FRMD4A: variants seen among roughly 807,000 people sequenced by gnomAD.
FRMD4A encodes the protein FERM domain-containing protein 4A.
FRMD4A carries 29 observed loss-of-function variants against 129.1 expected under a neutral mutation model. The ratio of observed to expected loss-of-function variants is 0.22; its 90% confidence interval spans 0.17 to 0.31. The LOEUF (loss-of-function observed/expected upper bound fraction) is 0.31, where lower values mean the gene tolerates loss of function less well. Ranked by LOEUF, FRMD4A falls within the 10% of genes least tolerant of loss-of-function variation. The pLI, the probability that FRMD4A is intolerant of heterozygous loss-of-function variation, is 1.00. For missense variants in FRMD4A, 1,272 were observed against 1,375.8 expected (o/e 0.92, Z 1.19); for synonymous variants, 634 against 571.6 (o/e 1.11, Z -1.56).
intron 2 of FRMD4A, among the ~76,000 whole-genome samples, chr10:14,137,237 T>C (rs1839585126): frequency 6.6e-6 from 1 of 152,168 alleles, no homozygotes; most frequent in African/African-American, 2.4e-5. Context: ...AAAATCATCT[T>C]CCTCTGTGGG....
chr10:14,221,116 G>T (rs994629288), intron 2 of FRMD4A, among the ~76,000 whole-genome samples: 1 of 152,164 alleles, frequency 6.6e-6, no homozygotes, highest in African/African-American at 2.4e-5. Flanking sequence ...GCAAGACTTG[G>T]GAAGAGGAGA....
At chr10:13,936,772 T>C (rs2095252394) in intron 2 of FRMD4A, among the ~76,000 whole-genome samples, 1 of 152,192 alleles carries the variant, frequency 6.6e-6, no homozygotes. Context: ...TCCTTGCAAA[T>C]GAAGGGGTGA....
At chr10:13,848,607 TAC>T (rs149318231) in intron 3 of FRMD4A, among the ~76,000 whole-genome samples, 13 of 93,512 alleles carry the variant, frequency 1.4e-4, no homozygotes, top group African/African-American at 3.8e-4. Context: ...TGTGTGTGTG[TAC>T]GTGTGTGTGT....
At position 14,045,133 on chromosome 10, in the gene FRMD4A, A is replaced by T. The variant is rs577623744; in HGVS notation, c.46-186221T>A. ...GCCCTGGCTGGTCTTGAACTCCTGGACTCGAATGATCCTCCTAAACTGCTG... is the reference window on the plus strand; with the variant it reads ...GCCCTGGCTGGTCTTGAACTCCTGGTCTCGAATGATCCTCCTAAACTGCTG... On this transcript the variant is annotated intron_variant, in intron 2 of 24. Transcript: ENST00000357447. 9.7e-4 allele frequency among the ~76,000 whole-genome samples: 148 copies of T among 152,030 alleles called. 1 individual carries two copies. Among genetic ancestry groups the T allele is most frequent in the African/African-American group, 3.2e-3 (134 of 41,454 alleles).
chr10:14,255,446 T>G (rs1453616742), intron 2 of FRMD4A, among the ~76,000 whole-genome samples: 1 of 152,152 alleles, frequency 6.6e-6, no homozygotes, highest in Non-Finnish European at 1.5e-5. Flanking sequence ...AGGGAAGACC[T>G]GTAGATGGGG....
intron 2 of FRMD4A, among the ~76,000 whole-genome samples, chr10:13,961,450 G>A (rs1176045039): frequency 6.6e-6 from 1 of 152,206 alleles, no homozygotes; most frequent in Non-Finnish European, 1.5e-5. Context: ...CAGTGGCCAA[G>A]CTGTATAGGC....
intron 2 of FRMD4A, among the ~76,000 whole-genome samples, chr10:13,904,232 G>A (rs2094854020): frequency 1.2e-5 from 1 of 83,820 alleles, no homozygotes; most frequent in South Asian, 5.0e-4. Flanking sequence ...TCCTGCTGGC[G>A]TTTCGCCTCC....
chr10:13,935,207 G>A (rs1385286316), intron 2 of FRMD4A, among the ~76,000 whole-genome samples: 1 of 152,090 alleles, frequency 6.6e-6, no homozygotes, highest in Non-Finnish European at 1.5e-5. Flanking sequence ...GGTAGGCTGA[G>A]CAGGCGGATC....
At position 14,055,448 on chromosome 10, in the gene FRMD4A, CACACACACACACAA is replaced by C. The variant is rs1240789757; in HGVS notation, c.46-196550_46-196537del. 5.3e-4 allele frequency among the ~76,000 whole-genome samples: 21 copies of C among 39,286 alleles called. 1 individual carries two copies. The highest frequency in any genetic ancestry group is 1.4e-3 in the African/African-American group (11 of 7,886). The allele number at this position is 39,286 out of a possible 152,430, so 25.8% of individuals were successfully genotyped here. On this transcript the variant is annotated intron_variant, in intron 2 of 24. Coordinates refer to ENST00000357447, the MANE Select transcript of FRMD4A (RefSeq NM_018027.5). The stretch of plus-strand genomic sequence containing the variant: ...CTATGCTGATCTAGCTACACACACA[CACACACACACACAA>C]ACACACACACACACACACACACACA...
Position 13,764,532 on chromosome 10 carries a change from A to AAC in FRMD4A, c.385-1853_385-1852insGT, listed in dbSNP as rs1172107029. 4.1e-3 allele frequency among the ~76,000 whole-genome samples: 605 copies of AAC among 148,060 alleles called. 1 individual carries two copies. Among genetic ancestry groups the AAC allele is most frequent in the Non-Finnish European group, 6.6e-3 (440 of 66,596 alleles). Reference sequence around the variant, plus strand: ...AAACAAACAAACAAACAAACAAACAAAACCTAACAACAACAAACTCACTAA... The same window carrying AAC: ...AAACAAACAAACAAACAAACAAACAAACAACCTAACAACAACAAACTCACTAA... On this transcript the variant is annotated intron_variant, in intron 6 of 24. Transcript: ENST00000357447.
chr10:13,686,652 C>T (rs1253957361), intron 15 of FRMD4A, among the ~76,000 whole-genome samples: 1 of 152,210 alleles, frequency 6.6e-6, no homozygotes, highest in African/African-American at 2.4e-5. Flanking sequence ...AACCCAAGAT[C>T]CATCACCAGA....
intron 3 of FRMD4A, among the ~76,000 whole-genome samples, chr10:13,831,458 T>G (rs2093788749): frequency 1.3e-5 from 2 of 152,094 alleles, no homozygotes; most frequent in Non-Finnish European, 2.9e-5. Flanking sequence ...CTAAAACAAA[T>G]AAAATAAGAA....
At chr10:13,748,114 G>A (rs1310320231) in intron 8 of FRMD4A, among the ~76,000 whole-genome samples, 2 of 152,106 alleles carry the variant, frequency 1.3e-5, no homozygotes, top group African/African-American at 2.4e-5. Flanking sequence ...CAGAGTGAAC[G>A]CCCCTGAGCA....
intron 6 of FRMD4A, among the ~76,000 whole-genome samples, chr10:13,770,165 C>T (rs567689112): frequency 7.9e-5 from 12 of 152,296 alleles, no homozygotes; most frequent in South Asian, 2.1e-4. Context: ...ATCATAATTA[C>T]GCAAATTTGC....
chr10:14,066,627 C>T (rs1835072857), intron 2 of FRMD4A, among the ~76,000 whole-genome samples: 1 of 152,122 alleles, frequency 6.6e-6, no homozygotes, highest in African/African-American at 2.4e-5. Flanking sequence ...GGAGCCTACG[C>T]CTGTGTGCCG....
chr10:13,927,954 A>G (rs1045530708), intron 2 of FRMD4A, among the ~76,000 whole-genome samples: 3 of 151,994 alleles, frequency 2.0e-5, no homozygotes, highest in Non-Finnish European at 4.4e-5. Context: ...TTATAGCTCA[A>G]TGATCCATTT....
chr10:13,897,413 A>G (rs2094770815), intron 2 of FRMD4A, among the ~76,000 whole-genome samples: 1 of 152,182 alleles, frequency 6.6e-6, no homozygotes, highest in Admixed American at 6.5e-5. Flanking sequence ...GAACTCTTAA[A>G]GAGAGGAGAG....
intron 2 of FRMD4A, among the ~76,000 whole-genome samples, chr10:14,207,098 G>C (rs947587142): frequency 6.6e-6 from 1 of 151,996 alleles, no homozygotes; most frequent in Admixed American, 6.6e-5. Flanking sequence ...GTTCCAAAGA[G>C]GGAAATGGTT....
At chr10:13,701,592 G>A in intron 13 of FRMD4A, 114 bp from the exon 14 acceptor site, 1 of 879,774 alleles carries the variant, frequency 1.1e-6, no homozygotes, top group South Asian at 1.6e-5. Flanking sequence ...GCGTAAAGAT[G>A]ATAGATGAGC....
Sources: gnomAD v4.1 joint callset for allele counts (sites outside exome capture counted in the v4.1 genomes callset) on GRCh38, gnomAD v4.1.1 for gene constraint, MANE v1.5 for transcripts, NCBI Gene and HGNC (gene_info 2026-07-23, HGNC 2026-07-21) for gene names.